The following NRXN3 variants were observed in gnomAD, a reference collection of about 807,000 sequenced individuals.
NRXN3 encodes the protein neurexin 3.
A neutral mutation model predicts 137.6 loss-of-function variants in NRXN3; 32 were observed. The ratio of observed to expected loss-of-function variants is 0.23; its 90% confidence interval spans 0.18 to 0.31. The LOEUF (loss-of-function observed/expected upper bound fraction) is 0.31, where lower values mean the gene tolerates loss of function less well. NRXN3 is among the 10% of genes least tolerant of loss of function. The probability of loss-of-function intolerance (pLI) is 1.00; values close to 1 mark genes in which losing one functional copy is unlikely to be tolerated. For missense variants in NRXN3, 1,574 were observed against 2,062.5 expected (o/e 0.76, Z 4.59); for synonymous variants, 798 against 784.5 (o/e 1.02, Z -0.29).
chr14:79,067,095 T>G (rs1484826339), intron 15 of NRXN3, among the ~76,000 whole-genome samples: 1 of 152,184 alleles, frequency 6.6e-6, no homozygotes, highest in Non-Finnish European at 1.5e-5. Context: ...TGATATTGAC[T>G]GTGGGTTTGT....
At chr14:78,508,328 C>T (rs2096036259) in intron 4 of NRXN3, among the ~76,000 whole-genome samples, 1 of 152,222 alleles carries the variant, frequency 6.6e-6, no homozygotes, top group Admixed American at 6.5e-5. Context: ...CTCAAAGTCA[C>T]TGCCATTATG....
At chr14:78,191,169 G>T (rs1231248925) in intron 1 of NRXN3, among the ~76,000 whole-genome samples, 2 of 152,160 alleles carry the variant, frequency 1.3e-5, no homozygotes, top group Non-Finnish European at 2.9e-5. Context: ...ATTCACAACT[G>T]GTGGGGTGTG....
chr14:78,524,871 G>A (rs1303481241), intron 4 of NRXN3, among the ~76,000 whole-genome samples: 1 of 152,168 alleles, frequency 6.6e-6, no homozygotes, highest in Non-Finnish European at 1.5e-5. Context: ...CAAGGATCAT[G>A]AAAAAGGACA....
chr14:79,842,315 A>G (rs1008811041), intron 20 of NRXN3, among the ~76,000 whole-genome samples: 2 of 152,198 alleles, frequency 1.3e-5, no homozygotes, highest in Admixed American at 6.5e-5. Context: ...GTTCGTTACT[A>G]GGGAAGATGT....
intron 16 of NRXN3, among the ~76,000 whole-genome samples, chr14:79,597,968 C>T (rs1322683394): frequency 2.6e-5 from 4 of 152,128 alleles, no homozygotes. Context: ...CCAAGATGCC[C>T]GTTGGAAGGT....
chr14:79,440,625 C>A (rs1193626262), intron 15 of NRXN3, among the ~76,000 whole-genome samples: 1 of 152,130 alleles, frequency 6.6e-6, no homozygotes, highest in Non-Finnish European at 1.5e-5. Context: ...TCTAGAACTT[C>A]ACCCAGTGGC....
At chr14:78,646,433 T>A (rs1031792842) in intron 5 of NRXN3, among the ~76,000 whole-genome samples, 2 of 152,222 alleles carry the variant, frequency 1.3e-5, no homozygotes, top group African/African-American at 2.4e-5. Context: ...CAGAAAACAC[T>A]ATACTTTCTG....
intron 15 of NRXN3, among the ~76,000 whole-genome samples, chr14:79,423,533 T>TAGCAC (rs1219283234): frequency 3.0e-4 from 45 of 152,340 alleles, no homozygotes; most frequent in Admixed American, 2.8e-3. Flanking sequence ...ATGGTTAAGT[T>TAGCAC]ACTGGTTGGA....
At chr14:79,582,076 C>A (rs2097721787) in intron 16 of NRXN3, among the ~76,000 whole-genome samples, 1 of 152,108 alleles carries the variant, frequency 6.6e-6, no homozygotes, top group Non-Finnish European at 1.5e-5. Context: ...AGGCACCTGC[C>A]ACCACGATGC....
chr14:79,369,323 G>A (rs181767133), intron 15 of NRXN3, among the ~76,000 whole-genome samples: 92 of 152,282 alleles, frequency 6.0e-4, no homozygotes, highest in Non-Finnish European at 4.3e-4. Context: ...CTATGTCAAG[G>A]AGGATGACAG....
chr14:78,422,764 A>C (rs888125752), intron 4 of NRXN3, among the ~76,000 whole-genome samples: 1 of 152,198 alleles, frequency 6.6e-6, no homozygotes, highest in African/African-American at 2.4e-5. Context: ...GACTTGCAGA[A>C]ATCAGAAGTG....
intron 8 of NRXN3, among the ~76,000 whole-genome samples, chr14:78,797,458 AT>A (rs2098825482): frequency 6.6e-6 from 1 of 152,350 alleles, no homozygotes; most frequent in African/African-American, 2.4e-5. Flanking sequence ...ATATGTTCAA[AT>A]AACTAAAGGA....
intron 4 of NRXN3, among the ~76,000 whole-genome samples, chr14:78,553,005 A>C (rs931349791): frequency 3.3e-5 from 5 of 152,206 alleles, no homozygotes; most frequent in African/African-American, 1.2e-4. Context: ...CATCAATAAA[A>C]AATAATTTAA....
chr14:79,635,761 A>T (rs2098399177), intron 16 of NRXN3, among the ~76,000 whole-genome samples: 1 of 152,186 alleles, frequency 6.6e-6, no homozygotes, highest in Non-Finnish European at 1.5e-5. Context: ...TAAAGGAAAG[A>T]GGTTTCATTG....
intron 15 of NRXN3, among the ~76,000 whole-genome samples, chr14:79,171,293 A>G (rs928832172): frequency 6.6e-6 from 1 of 152,284 alleles, no homozygotes; most frequent in African/African-American, 2.4e-5. Flanking sequence ...TGAGGGTTAT[A>G]TACCCAAAAC....
chr14:78,667,096 T>C (rs1567014698), intron 6 of NRXN3, among the ~76,000 whole-genome samples: 2 of 152,150 alleles, frequency 1.3e-5, no homozygotes, highest in Non-Finnish European at 2.9e-5. Context: ...CCTGCTTGAC[T>C]GATCACTGGG....
chr14:79,119,094 CT>C (rs2054976759), intron 15 of NRXN3, among the ~76,000 whole-genome samples: 1 of 152,148 alleles, frequency 6.6e-6, no homozygotes, highest in South Asian at 2.1e-4. Flanking sequence ...GTAAATTCCT[CT>C]TCAAAATTTA....
At chr14:79,111,575 C>T (rs1568320085) in intron 15 of NRXN3, among the ~76,000 whole-genome samples, 1 of 151,998 alleles carries the variant, frequency 6.6e-6, no homozygotes, top group African/African-American at 2.4e-5. Flanking sequence ...CCCATCTCTA[C>T]TAAAAATACA....
chr14:79,537,218 G>T (rs929343158), intron 16 of NRXN3, among the ~76,000 whole-genome samples: 18 of 151,970 alleles, frequency 1.2e-4, no homozygotes, highest in Non-Finnish European at 2.6e-4. Flanking sequence ...CAGTGATGTT[G>T]TTGAGCTTTT....
Sources: gnomAD v4.1 joint callset for allele counts (sites outside exome capture counted in the v4.1 genomes callset) on GRCh38, gnomAD v4.1.1 for gene constraint, MANE v1.5 for transcripts, NCBI Gene and HGNC (gene_info 2026-07-23, HGNC 2026-07-21) for gene names.